LAMB4: variants seen among roughly 807,000 people sequenced by gnomAD.
The protein encoded by LAMB4 is laminin subunit beta-4.
Under a neutral mutation model 199.2 loss-of-function variants are expected in LAMB4, and 196 were observed. The ratio of observed to expected loss-of-function variants is 0.98; its 90% CI spans 0.88 to 1.11. The LOEUF (loss-of-function observed/expected upper bound fraction) is 1.11, where lower values mean the gene tolerates loss of function less well. LAMB4 is among the 50% of genes least tolerant of loss of function. LAMB4 has a pLI of 0.00. For missense variants in LAMB4, 2,080 were observed against 2,171.2 expected (o/e 0.96, Z 0.83); for synonymous variants, 744 against 770.6 (o/e 0.97, Z 0.57).
the LAMB4 span, among the ~76,000 whole-genome samples, chr7:108,016,239 G>A: frequency 1.3e-5 from 2 of 151,028 alleles, no homozygotes; most frequent in Non-Finnish European, 2.9e-5. Flanking sequence ...TGAGGGGGTA[G>A]GACGAGGGAA....
At chr7:108,025,174 G>GT (rs2034787178) in intron 33 of LAMB4, among the ~76,000 whole-genome samples, 1 of 152,184 alleles carries the variant, frequency 6.6e-6, no homozygotes, top group Admixed American at 6.5e-5. Context: ...CTGTTTTCAA[G>GT]TATCTGAAGG....
chr7:108,119,310 G>A (rs985640481), intron 2 of LAMB4, among the ~76,000 whole-genome samples: 6 of 152,104 alleles, frequency 3.9e-5, no homozygotes, highest in Non-Finnish European at 8.8e-5. Flanking sequence ...TACAACTTAT[G>A]TTCACACAAA....
intron 17 of LAMB4, among the ~76,000 whole-genome samples, chr7:108,072,500 A>G (rs1248898995): frequency 6.6e-6 from 1 of 152,204 alleles, no homozygotes; most frequent in Non-Finnish European, 1.5e-5. Context: ...ATATTAGAAA[A>G]TATTTGTAAT....
chr7:108,013,367 G>A, the LAMB4 span, among the ~76,000 whole-genome samples: 19 of 152,280 alleles, frequency 1.2e-4, no homozygotes, highest in Admixed American at 6.5e-4. Context: ...ATACGCATTC[G>A]TATGTTAAAG....
chr7:108,079,315 T>C (rs982926731), intron 15 of LAMB4, among the ~76,000 whole-genome samples: 1 of 152,198 alleles, frequency 6.6e-6, no homozygotes, highest in Non-Finnish European at 1.5e-5. Flanking sequence ...ATTTGTGTTA[T>C]TTTGGTTATT....
intron 14 of LAMB4, among the ~76,000 whole-genome samples, chr7:108,081,126 A>T (rs549196853): frequency 3.5e-4 from 53 of 152,294 alleles, no homozygotes; most frequent in African/African-American, 1.2e-3. Flanking sequence ...AAAATAAAAT[A>T]AAATAAAATA....
intron 19 of LAMB4, 33 bp from the exon 20 acceptor site, chr7:108,066,633 G>T: frequency 7.2e-7 from 1 of 1,388,376 alleles, no homozygotes. Context: ...TGCTGGAGCG[G>T]GGATGAGTGG....
intron 2 of LAMB4, 117 bp downstream of exon 2, chr7:108,123,014 T>G (rs1461402498): frequency 2.4e-6 from 2 of 820,526 alleles, no homozygotes; most frequent in Non-Finnish European, 3.7e-6. Context: ...AACAACAGAA[T>G]AGCTACATAA....
chr7:108,055,591 A>G (rs1375098987), intron 25 of LAMB4, 41 bp downstream of exon 25: 1 of 1,573,468 alleles, frequency 6.4e-7, no homozygotes, highest in Non-Finnish European at 8.6e-7. Context: ...GTTAAGGTAA[A>G]TCAGGAGTTT....
chr7:108,094,918 T>G (rs2037539164), intron 12 of LAMB4, among the ~76,000 whole-genome samples: 1 of 152,152 alleles, frequency 6.6e-6, no homozygotes, highest in Non-Finnish European at 1.5e-5. Context: ...CATAGACAGA[T>G]AAATGTGCTT....
intron 10 of LAMB4, 152 bp downstream of exon 10, chr7:108,102,892 C>T (rs558936777): frequency 3.8e-6 from 2 of 521,274 alleles, no homozygotes; most frequent in Non-Finnish European, 6.4e-6. Context: ...AGGATGAGCT[C>T]TTAAAGCTGA....
chr7:108,107,646 G>C lies in LAMB4; in HGVS notation c.576C>G (p.Pro192=). 6.2e-7 allele frequency: 1 copy of C among 1,607,146 alleles called. No homozygotes were observed. Among genetic ancestry groups the C allele is most frequent in the Non-Finnish European group, 8.5e-7 (1 of 1,177,644 alleles). The change falls in exon 6 of 34, where the codon CCC becomes CCG. Residue 192 remains proline (P), a synonymous_variant. Transcript: ENST00000388781. ...GAAATGCTACCTCTCCACCTGTTGAGGGTTCAATATCCGAGTATTTGGAGT... is the reference window on the plus strand; with the variant it reads ...GAAATGCTACCTCTCCACCTGTTGACGGTTCAATATCCGAGTATTTGGAGT... The part of the protein sequence containing the change: ...VCDSKYSDIE[P]STGGEVVLKV...
chr7:108,091,800 GA>G, intron 13 of LAMB4, 24 bp from the exon 14 acceptor site: 8 of 1,610,508 alleles, frequency 5.0e-6, no homozygotes, highest in South Asian at 1.1e-5. Flanking sequence ...AATTCATCAT[GA>G]AAAAATGCAA....
chr7:108,079,229 C>T (rs2036830372), intron 15 of LAMB4, among the ~76,000 whole-genome samples: 1 of 152,198 alleles, frequency 6.6e-6, no homozygotes, highest in South Asian at 2.1e-4. Flanking sequence ...GCTTCTGCTG[C>T]ATCACCTGTG....
At chr7:108,014,631 G>A in the LAMB4 span, among the ~76,000 whole-genome samples, 575 of 152,162 alleles carry the variant, frequency 3.8e-3, 3 homozygotes, top group Non-Finnish European at 4.9e-3. Flanking sequence ...TGCCGTATAG[G>A]AATGTATGAT....
chr7:108,012,104 A>C, the LAMB4 span, among the ~76,000 whole-genome samples: 2 of 150,070 alleles, frequency 1.3e-5, no homozygotes, highest in Non-Finnish European at 2.9e-5. Context: ...ATAAAGTTCT[A>C]GAAGGAGGCA....
At chr7:108,079,502 TTTTCTGATGAACCTA>T in intron 15 of LAMB4, 84 bp downstream of exon 15, 1 of 1,044,434 alleles carries the variant, frequency 9.6e-7, no homozygotes, top group Non-Finnish European at 1.4e-6. Flanking sequence ...TTACAAATCC[TTTTCTGATGAACCTA>T]TTCTAGCAAG....
intron 2 of LAMB4, among the ~76,000 whole-genome samples, chr7:108,122,682 T>G (rs1370377793): frequency 6.6e-6 from 1 of 152,192 alleles, no homozygotes; most frequent in Non-Finnish European, 1.5e-5. Context: ...TAATGTAAAT[T>G]GTTCTCAGCT....
At chr7:108,080,939 T>C (rs2036910000) in intron 14 of LAMB4, among the ~76,000 whole-genome samples, 1 of 151,596 alleles carries the variant, frequency 6.6e-6, no homozygotes, top group South Asian at 2.1e-4. Flanking sequence ...CTGGCCAACA[T>C]GGTGAAATCC....
Sources: gnomAD v4.1 joint callset for allele counts (sites outside exome capture counted in the v4.1 genomes callset) on GRCh38, gnomAD v4.1.1 for gene constraint, MANE v1.5 for transcripts, NCBI Gene and HGNC (gene_info 2026-07-23, HGNC 2026-07-21) for gene names.